The following LRMDA variants were observed in gnomAD, a reference collection of about 807,000 sequenced individuals.
LRMDA encodes the protein leucine-rich melanocyte differentiation-associated protein.
LRMDA carries 18 observed loss-of-function variants against 29.8 expected under a neutral mutation model. That is an observed-to-expected ratio of 0.60 (90% CI 0.42 to 0.90). The LOEUF (loss-of-function observed/expected upper bound fraction) is 0.90, where lower values mean the gene tolerates loss of function less well. LRMDA is among the 40% of genes least tolerant of loss of function. LRMDA has a pLI of 0.00. For synonymous variants in LRMDA, 125 were observed against 109.4 expected, an observed-to-expected ratio of 1.14 and a Z score of -0.89; for missense variants, 273 against 273.9, an observed-to-expected ratio of 1.00 and a Z score of 0.02.
Position 75,595,326 on chromosome 10 carries a change from CAAG to C in LRMDA, c.131+156835_131+156837del, listed in dbSNP as rs568761980. ...TTAACCAAACTGAGAAGGATAATAA[CAAG>C]AATGTTACCAGGTGGATCTCAGCTC... On this transcript the variant is annotated intron_variant, in intron 2 of 6. Coordinates refer to ENST00000611255, the MANE Select transcript of LRMDA (RefSeq NM_001305581.2). Among the ~76,000 whole-genome samples, 343 of 152,196 alleles carry C rather than the reference CAAG, an allele frequency of 2.3e-3. 1 individual carries two copies. Among genetic ancestry groups the C allele is most frequent in the African/African-American group, 7.8e-3 (325 of 41,542 alleles).
In LRMDA at chr10:76,250,847, A is replaced by C. The variant is rs913134990; in HGVS notation, c.517-73554A>C. Among the ~76,000 whole-genome samples, 3 of 152,304 alleles carry C rather than the reference A, an allele frequency of 2.0e-5. No individual in the cohort carries two copies. The South Asian group carries it at 6.2e-4, about 32-fold the overall frequency. Reference sequence around the variant, plus strand: ...TATGCCTGGGACCTGTCAAAGTAGAATTATCATAGCAAACCCTCTCTGCTA... The same window carrying C: ...TATGCCTGGGACCTGTCAAAGTAGACTTATCATAGCAAACCCTCTCTGCTA... On this transcript the variant is annotated intron_variant, in intron 5 of 6. Transcript: ENST00000611255.
intron 2 of LRMDA, among the ~76,000 whole-genome samples, chr10:76,030,750 C>A (rs988422192): frequency 6.6e-6 from 1 of 152,240 alleles, no homozygotes; most frequent in South Asian, 2.1e-4. Context: ...GATTGTGCCA[C>A]TGCACTCCAG....
intron 6 of LRMDA, among the ~76,000 whole-genome samples, chr10:76,399,468 C>A (rs916375270): frequency 1.3e-5 from 2 of 152,208 alleles, no homozygotes; most frequent in East Asian, 3.9e-4. Flanking sequence ...GCTATAAAAT[C>A]ACTGGAGATA....
chr10:75,554,311 C>A (rs1342190622), intron 2 of LRMDA, among the ~76,000 whole-genome samples: 1 of 152,100 alleles, frequency 6.6e-6, no homozygotes, highest in Non-Finnish European at 1.5e-5. Context: ...TCTAGAAATC[C>A]TTCCAAATGG....
intron 5 of LRMDA, among the ~76,000 whole-genome samples, chr10:76,234,193 G>A (rs1433325466): frequency 6.6e-6 from 1 of 152,182 alleles, no homozygotes; most frequent in Non-Finnish European, 1.5e-5. Context: ...TGATCTCCTT[G>A]TATATCTTCA....
At chr10:75,478,093 G>A (rs112830378) in intron 2 of LRMDA, among the ~76,000 whole-genome samples, 2,235 of 152,304 alleles carry the variant, frequency 0.015, 48 homozygotes, top group African/African-American at 0.05. Context: ...TTGCTCTGAA[G>A]GACCACAGGC....
At chr10:76,037,897 A>G (rs1301088932) in intron 3 of LRMDA, among the ~76,000 whole-genome samples, 1 of 152,234 alleles carries the variant, frequency 6.6e-6, no homozygotes, top group Non-Finnish European at 1.5e-5. Flanking sequence ...TCACTTTGAT[A>G]GAAGTAGAAG....
intron 2 of LRMDA, among the ~76,000 whole-genome samples, chr10:75,930,310 G>A (rs1235926064): frequency 6.6e-6 from 1 of 151,846 alleles, no homozygotes; most frequent in East Asian, 1.9e-4. Flanking sequence ...TTGAGCTTAG[G>A]CCTTTTATAG....
chr10:76,180,277 CTTTTTT>C (rs34563574), intron 5 of LRMDA, among the ~76,000 whole-genome samples: 1 of 89,864 alleles, frequency 1.1e-5, no homozygotes, highest in African/African-American at 4.7e-5. Flanking sequence ...TTGGAAAAAA[CTTTTTT>C]TTTTTTTTTT....
chr10:75,683,428 G>T (rs2454814), intron 2 of LRMDA, among the ~76,000 whole-genome samples: 3 of 152,182 alleles, frequency 2.0e-5, no homozygotes, highest in African/African-American at 7.2e-5. Context: ...AAACTTGCTG[G>T]AGAACTGGGC....
At chr10:76,312,770 GT>G (rs1840645487) in intron 5 of LRMDA, among the ~76,000 whole-genome samples, 1 of 151,544 alleles carries the variant, frequency 6.6e-6, no homozygotes, top group Non-Finnish European at 1.5e-5. Flanking sequence ...AGGGATCTCA[GT>G]AGTGCTCTTC....
chr10:76,264,643 A>G (rs1839984882), intron 5 of LRMDA, among the ~76,000 whole-genome samples: 1 of 152,000 alleles, frequency 6.6e-6, no homozygotes, highest in Admixed American at 6.6e-5. Flanking sequence ...GCAGATTTCT[A>G]TTTCTCATCT....
intron 5 of LRMDA, among the ~76,000 whole-genome samples, chr10:76,287,085 A>C (rs193200580): frequency 1.6e-4 from 25 of 152,294 alleles, no homozygotes; most frequent in African/African-American, 5.8e-4. Flanking sequence ...GATCTTCTGA[A>C]ACTAGAAGAT....
In LRMDA at chr10:75,989,941, C is replaced by G. The variant is rs1407738; in HGVS notation, c.132-46067C>G. Among the ~76,000 whole-genome samples, 45 of 152,250 alleles carry G rather than the reference C, an allele frequency of 3.0e-4. 3 individuals carry two copies. The South Asian group carries it at 5.0e-3, about 17-fold the overall frequency. ...ACGAGTGTCATGGTGAAATCCCCCC[C>G]GCTCCTGAGACCCCACAGGCTCCTC... On this transcript the variant is annotated intron_variant, in intron 2 of 6. Transcript: ENST00000611255.
chr10:75,795,014 C>T (rs1843628769), intron 2 of LRMDA, among the ~76,000 whole-genome samples: 1 of 150,542 alleles, frequency 6.6e-6, no homozygotes, highest in Admixed American at 6.6e-5. Flanking sequence ...GTGAGATATT[C>T]TCTATTTCTT....
At position 76,466,312 on chromosome 10, in the gene LRMDA, C is replaced by T. The variant is rs560392990; in HGVS notation, c.602-90897C>T. Among the ~76,000 whole-genome samples the T allele has an allele frequency of 5.4e-4, 82 of 152,146 alleles. No homozygotes were observed. The South Asian group carries it at 6.4e-3, about 12-fold the overall frequency. On this transcript the variant is annotated intron_variant, in intron 6 of 6. Coordinates refer to ENST00000611255, the MANE Select transcript of LRMDA (RefSeq NM_001305581.2). ...GAGGGGTAGACAAACAGACAGATGC[C>T]GGGAGCATGGGATAAATGGAGAGGA...
chr10:76,556,182 A>G (rs1218285050), intron 6 of LRMDA, among the ~76,000 whole-genome samples: 9 of 152,082 alleles, frequency 5.9e-5, no homozygotes, highest in Non-Finnish European at 1.3e-4. Flanking sequence ...GTCTCCTACA[A>G]TCTCCTTGAA....
At chr10:76,436,302 G>A (rs913345895) in intron 6 of LRMDA, among the ~76,000 whole-genome samples, 5 of 152,198 alleles carry the variant, frequency 3.3e-5, no homozygotes, top group Non-Finnish European at 5.9e-5. Context: ...AAAAATAAGT[G>A]TGTGAAGAAA....
chr10:75,738,081 A>G (rs556978912), intron 2 of LRMDA, among the ~76,000 whole-genome samples: 176 of 152,302 alleles, frequency 1.2e-3, no homozygotes, highest in African/African-American at 4.0e-3. Flanking sequence ...GTCCTTGTTA[A>G]TATTTCATCA....
Sources: allele counts gnomAD v4.1 joint callset (sites outside exome capture counted in the v4.1 genomes callset), GRCh38; gene constraint gnomAD v4.1.1; transcripts MANE v1.5; gene names NCBI Gene and HGNC (gene_info 2026-07-23, HGNC 2026-07-21).